Variants in PITPNC1 observed in about 807,000 individuals in gnomAD.
PITPNC1 encodes the protein phosphatidylinositol transfer protein cytoplasmic 1.
Under a neutral mutation model 44.7 loss-of-function variants are expected in PITPNC1, and 18 were observed. That is an observed-to-expected ratio of 0.40 (90% CI 0.28 to 0.60). The LOEUF (loss-of-function observed/expected upper bound fraction) is 0.60, where lower values mean the gene tolerates loss of function less well. Among genes scored for constraint, PITPNC1 ranks in the 20% least tolerant of loss-of-function variants. The probability of loss-of-function intolerance (pLI) is 0.39; values close to 1 mark genes in which losing one functional copy is unlikely to be tolerated. For missense variants in PITPNC1, 290 were observed against 418.4 expected (o/e 0.69, Z 2.68); for synonymous variants, 141 against 149.6 (o/e 0.94, Z 0.42).
chr17:67,552,252 CT>C lies in PITPNC1; in HGVS notation c.198-3del. ...CAATTGTCTTTTTTCTTTCTTTCCT[CT>C]TAGCAAACTGCCTAGTTGGGCTAGA... is the stretch of plus-strand genomic sequence containing the variant. On this transcript the variant is annotated splice_polypyrimidine_tract_variant and splice_region_variant and intron_variant, in intron 2 of 8. Transcript: ENST00000581322. The C allele has an allele frequency of 6.6e-7, 1 of 1,526,402 alleles. No homozygotes were observed. The highest frequency in any genetic ancestry group is 9.1e-7 in the Non-Finnish European group (1 of 1,100,444). The allele number at this position is 1,526,402 out of a possible 1,614,324, so 94.6% of individuals were successfully genotyped here. A position where few individuals can be genotyped will look rare whatever the true frequency, so the allele number is the denominator to read the frequency against.
At chr17:67,553,413 A>G (rs1009037598) in intron 3 of PITPNC1, 197 bp from the exon 4 acceptor site, 4 of 403,472 alleles carry the variant, frequency 9.9e-6, no homozygotes, top group African/African-American at 4.1e-5. Context: ...GCCCAACCAC[A>G]TAAGTATCAT....
chr17:67,389,742 C>T (rs2038109474), intron 1 of PITPNC1, among the ~76,000 whole-genome samples: 1 of 152,056 alleles, frequency 6.6e-6, no homozygotes, highest in Non-Finnish European at 1.5e-5. Flanking sequence ...TGCTATGGCG[C>T]AATCTCGGCT....
chr17:67,527,530 C>T (rs901246924), intron 1 of PITPNC1, among the ~76,000 whole-genome samples: 2 of 151,750 alleles, frequency 1.3e-5, no homozygotes, highest in Admixed American at 1.3e-4. Flanking sequence ...TGGCGAAACC[C>T]CGTCTCTACT....
At chr17:67,565,204 G>A (rs990555030) in intron 4 of PITPNC1, among the ~76,000 whole-genome samples, 1 of 151,116 alleles carries the variant, frequency 6.6e-6, no homozygotes, top group African/African-American at 2.4e-5. Flanking sequence ...TTCAGTGTGT[G>A]TACTAGTTTT....
At chr17:67,410,943 C>T (rs1031896166) in intron 1 of PITPNC1, among the ~76,000 whole-genome samples, 13 of 151,840 alleles carry the variant, frequency 8.6e-5, no homozygotes, top group Middle Eastern at 6.8e-3. Context: ...ATTAGCCGGG[C>T]GTGGTGTTGG....
intron 1 of PITPNC1, among the ~76,000 whole-genome samples, chr17:67,401,625 C>T (rs946624410): frequency 2.0e-5 from 3 of 152,034 alleles, no homozygotes; most frequent in African/African-American, 7.2e-5. Flanking sequence ...GCAGGTGGAT[C>T]ATGAGGTCAG....
intron 5 of PITPNC1, among the ~76,000 whole-genome samples, chr17:67,627,175 C>T (rs1419878115): frequency 6.6e-6 from 1 of 152,174 alleles, no homozygotes; most frequent in African/African-American, 2.4e-5. Flanking sequence ...ATCGCTTGAA[C>T]CCAGGTGGCA....
In PITPNC1 at chr17:67,640,839, A is replaced by G. The variant is rs532062621; in HGVS notation, c.462+8601A>G. On this transcript the variant is annotated intron_variant, in intron 6 of 8. Coordinates refer to ENST00000581322, the MANE Select transcript of PITPNC1 (RefSeq NM_012417.4). ...AACCCATCTCTACTAAAATACAAAA[A>G]ATTAGCCGGGTGTGGTGGCACATGC... is the stretch of plus-strand genomic sequence containing the variant. Among the ~76,000 whole-genome samples, 7 of 151,358 alleles carry G rather than the reference A, an allele frequency of 4.6e-5. No individual in the cohort carries two copies. In the South Asian group the frequency reaches 1.5e-3, roughly 32 times the overall value.
intron 1 of PITPNC1, among the ~76,000 whole-genome samples, chr17:67,462,913 G>GT (rs1365688301): frequency 6.6e-6 from 1 of 152,062 alleles, no homozygotes; most frequent in Non-Finnish European, 1.5e-5. Flanking sequence ...TGTTGGTTAG[G>GT]TTGGTCTCGA....
At chr17:67,646,893 G>A (rs1396996840) in intron 6 of PITPNC1, among the ~76,000 whole-genome samples, 2 of 152,132 alleles carry the variant, frequency 1.3e-5, no homozygotes, top group African/African-American at 4.8e-5. Context: ...GTAACTGGCT[G>A]GAAGTTTCAG....
intron 1 of PITPNC1, among the ~76,000 whole-genome samples, chr17:67,394,105 T>C (rs1187733293): frequency 6.6e-6 from 1 of 152,090 alleles, no homozygotes; most frequent in African/African-American, 2.4e-5. Flanking sequence ...CCCAAAGTGC[T>C]GAGATTACAA....
chr17:67,650,002 C>A (rs995865777), intron 6 of PITPNC1, among the ~76,000 whole-genome samples: 1 of 152,050 alleles, frequency 6.6e-6, no homozygotes, highest in Non-Finnish European at 1.5e-5. Flanking sequence ...CCCAGCACCC[C>A]CTCCCTCCCT....
At chr17:67,526,903 C>T (rs1412134381) in intron 1 of PITPNC1, among the ~76,000 whole-genome samples, 1 of 152,022 alleles carries the variant, frequency 6.6e-6, no homozygotes, top group Non-Finnish European at 1.5e-5. Flanking sequence ...GATCTGCATC[C>T]CATGATGTTT....
At chr17:67,455,489 C>T (rs764458037) in intron 1 of PITPNC1, among the ~76,000 whole-genome samples, 45 of 152,228 alleles carry the variant, frequency 3.0e-4, no homozygotes, top group East Asian at 7.7e-4. Flanking sequence ...GATGCAATCC[C>T]GGCTCACTGC....
Position 67,614,151 on chromosome 17 carries a change from T to G in PITPNC1, c.367-17992T>G, listed in dbSNP as rs571988737. Among the ~76,000 whole-genome samples, 52 of 151,786 alleles carry G rather than the reference T, an allele frequency of 3.4e-4. No homozygotes were observed. The East Asian group carries it at 9.3e-3, about 27-fold the overall frequency. Reference sequence around the variant, plus strand: ...AGGCTTGTGGGTGCTTTCCCTTCCTTGGTGATACTAACATCTGTCGCTGGC... The same window carrying G: ...AGGCTTGTGGGTGCTTTCCCTTCCTGGGTGATACTAACATCTGTCGCTGGC... On this transcript the variant is annotated intron_variant, in intron 5 of 8. Coordinates refer to ENST00000581322, the MANE Select transcript of PITPNC1 (RefSeq NM_012417.4).
intron 1 of PITPNC1, among the ~76,000 whole-genome samples, chr17:67,439,820 TAC>T (rs2038987026): frequency 1.3e-5 from 2 of 152,190 alleles, no homozygotes; most frequent in South Asian, 4.1e-4. Flanking sequence ...TTTCTTGATA[TAC>T]CACCTTTTGC....
intron 5 of PITPNC1, among the ~76,000 whole-genome samples, chr17:67,625,970 G>GT: frequency 2.0e-5 from 3 of 146,478 alleles, no homozygotes; most frequent in Non-Finnish European, 1.5e-5. Flanking sequence ...GTTGTGGTTT[G>GT]TTTGTTGTTT....
chr17:67,450,530 A>G (rs1415076878), intron 1 of PITPNC1, among the ~76,000 whole-genome samples: 4 of 152,086 alleles, frequency 2.6e-5, no homozygotes, highest in Admixed American at 1.3e-4. Context: ...GGCTCAAGCG[A>G]TCCTCCCACC....
At chr17:67,529,804 G>T (rs1437896286) in intron 1 of PITPNC1, among the ~76,000 whole-genome samples, 1 of 152,074 alleles carries the variant, frequency 6.6e-6, no homozygotes, top group Non-Finnish European at 1.5e-5. Context: ...AAAATTAGTC[G>T]GGTCGTAGCG....
Sources: gnomAD v4.1 joint callset for allele counts (sites outside exome capture counted in the v4.1 genomes callset) on GRCh38, gnomAD v4.1.1 for gene constraint, MANE v1.5 for transcripts, NCBI Gene and HGNC (gene_info 2026-07-23, HGNC 2026-07-21) for gene names.